Variants in HDX observed in about 807,000 individuals in gnomAD.
HDX encodes the protein chromosome X open reading frame 43.
A neutral mutation model predicts 45.2 loss-of-function variants in HDX; 19 were observed. That is an observed-to-expected ratio of 0.42 (90% CI 0.29 to 0.62). The LOEUF (loss-of-function observed/expected upper bound fraction) is 0.62. Among genes scored for constraint, HDX ranks in the 20% least tolerant of loss-of-function variants. The pLI is 0.20. For synonymous variants in HDX, 188 were observed against 172.8 expected, an observed-to-expected ratio of 1.09 and a Z score of -0.69; for missense variants, 532 against 493.9, an observed-to-expected ratio of 1.08 and a Z score of -0.73.
At chrX:84,396,891 G>T (rs2038579389) in intron 5 of HDX, among the ~76,000 whole-genome samples, 1 of 111,363 alleles carries the variant, frequency 9.0e-6, no homozygotes, top group African/African-American at 3.3e-5. Context: ...TCACAGTGGT[G>T]CATACTGACA....
At chrX:84,332,821 C>A in intron 9 of HDX, among the ~76,000 whole-genome samples, 1 of 111,448 alleles carries the variant, frequency 9.0e-6, no homozygotes, top group Non-Finnish European at 1.9e-5. Flanking sequence ...CTAGGAAATA[C>A]GTTTCAAAAG....
intron 10 of HDX, among the ~76,000 whole-genome samples, chrX:84,322,291 T>C (rs759464264): frequency 9.0e-6 from 1 of 110,867 alleles, no homozygotes; most frequent in African/African-American, 3.3e-5. Context: ...CTGAACCAAG[T>C]GCTTTGAAGT....
intron 5 of HDX, among the ~76,000 whole-genome samples, chrX:84,419,018 TCCAGACACAACATAGG>T (rs2039182630): frequency 9.0e-6 from 1 of 111,694 alleles, no homozygotes; most frequent in Non-Finnish European, 1.9e-5. Flanking sequence ...AGATGACATT[TCCAGACACAACATAGG>T]CCAGAAAAGA....
At chrX:84,420,154 T>C (rs971396917) in intron 5 of HDX, among the ~76,000 whole-genome samples, 1 of 111,925 alleles carries the variant, frequency 8.9e-6, no homozygotes, top group Non-Finnish European at 1.9e-5. Context: ...AATTAAATAA[T>C]GCACCAGGGA....
intron 5 of HDX, among the ~76,000 whole-genome samples, chrX:84,393,291 C>T (rs760040907): frequency 7.2e-5 from 8 of 111,357 alleles, no homozygotes; most frequent in African/African-American, 2.6e-4. Context: ...GGCTTTTGTT[C>T]TTCATTCTGT....
chrX:84,421,572 A>C (rs766545677), intron 5 of HDX, among the ~76,000 whole-genome samples: 2 of 110,466 alleles, frequency 1.8e-5, no homozygotes, highest in Non-Finnish European at 3.8e-5. Context: ...ATTTGTCAAT[A>C]ACAGCATTGA....
chrX:84,502,106 C>T (rs2041132124), intron 1 of HDX, among the ~76,000 whole-genome samples: 1 of 111,151 alleles, frequency 9.0e-6, no homozygotes, highest in African/African-American at 3.3e-5. Flanking sequence ...TCTGGCAATC[C>T]CCATTGTATC....
At chrX:84,452,828 G>T (rs1471251886) in intron 4 of HDX, among the ~76,000 whole-genome samples, 2 of 111,571 alleles carry the variant, frequency 1.8e-5, no homozygotes, top group Non-Finnish European at 3.8e-5. Flanking sequence ...ATCAACTCAA[G>T]ATAAAACCTT....
intron 1 of HDX, among the ~76,000 whole-genome samples, chrX:84,495,686 A>G (rs1192123486): frequency 8.9e-6 from 1 of 111,816 alleles, no homozygotes; most frequent in African/African-American, 3.2e-5. Context: ...AACAAAAGAT[A>G]CTTAAGGCAG....
chrX:84,483,117 T>C (rs2040723078), intron 2 of HDX, among the ~76,000 whole-genome samples: 2 of 110,890 alleles, frequency 1.8e-5, no homozygotes, highest in Admixed American at 9.5e-5. Context: ...AGCGCCCCCC[T>C]CAGCTGATTT....
intron 5 of HDX, among the ~76,000 whole-genome samples, chrX:84,415,713 A>G (rs1297534195): frequency 8.9e-6 from 1 of 112,022 alleles, no homozygotes; most frequent in Non-Finnish European, 1.9e-5. Context: ...ATTTCATCTG[A>G]TGTGTTTTCT....
intron 2 of HDX, among the ~76,000 whole-genome samples, chrX:84,476,365 G>A (rs1189048849): frequency 9.1e-6 from 1 of 109,366 alleles, no homozygotes; most frequent in Non-Finnish European, 1.9e-5. Flanking sequence ...CAAGAAAAGC[G>A]TCTCCTCAAA....
chrX:84,381,038 C>A (rs1209835906), intron 5 of HDX, among the ~76,000 whole-genome samples: 2 of 111,030 alleles, frequency 1.8e-5, no homozygotes, highest in East Asian at 2.8e-4. Flanking sequence ...AATCAACATA[C>A]AAAAATCAGT....
chrX:84,476,132 T>C (rs2040545767), intron 2 of HDX, among the ~76,000 whole-genome samples: 1 of 111,697 alleles, frequency 9.0e-6, no homozygotes, highest in Non-Finnish European at 1.9e-5. Flanking sequence ...TGCTTTATCT[T>C]TTCTGCCAGT....
chrX:84,395,557 C>T (rs999134554), intron 5 of HDX, among the ~76,000 whole-genome samples: 1 of 111,269 alleles, frequency 9.0e-6, no homozygotes. Flanking sequence ...TGGAAAAGAC[C>T]TTTATGCATT....
intron 4 of HDX, among the ~76,000 whole-genome samples, chrX:84,463,152 G>C (rs1277784077): frequency 1.8e-5 from 2 of 110,598 alleles, no homozygotes; most frequent in Non-Finnish European, 3.8e-5. Context: ...CTTTTAATGT[G>C]TGAATTTTAT....
chrX:84,343,854 C>T (rs1299057199), intron 7 of HDX, among the ~76,000 whole-genome samples: 1 of 111,042 alleles, frequency 9.0e-6, no homozygotes, highest in Non-Finnish European at 1.9e-5. Flanking sequence ...TGAGAAGTCG[C>T]ATGAAAAGCT....
chrX:84,333,901 A>C (rs1301825065), intron 8 of HDX, 59 bp from the exon 9 acceptor site: 2 of 471,406 alleles, frequency 4.2e-6, no homozygotes, highest in Non-Finnish European at 3.7e-6. Context: ...TACACTCAGC[A>C]ATGCATAGAA....
At chrX:84,336,929 T>C (rs1012537240) in intron 7 of HDX, 49 bp from the exon 8 acceptor site, 4 of 796,682 alleles carry the variant, frequency 5.0e-6, no homozygotes, top group Non-Finnish European at 7.4e-6. Flanking sequence ...AAAACTTTCT[T>C]GAGAATACTA....
Sources: gnomAD v4.1 joint callset for allele counts (sites outside exome capture counted in the v4.1 genomes callset) on GRCh38, gnomAD v4.1.1 for gene constraint, MANE v1.5 for transcripts, NCBI Gene and HGNC (gene_info 2026-07-23, HGNC 2026-07-21) for gene names.